TRAPPC9: variants seen among roughly 807,000 people sequenced by gnomAD.
The protein encoded by TRAPPC9 is trafficking protein particle complex subunit 9.
In TRAPPC9, 83 loss-of-function variants were observed where a neutral mutation model predicts 124.0. The observed-to-expected ratio is 0.67, with a 90% CI of 0.56 to 0.80. TRAPPC9 has a LOEUF of 0.80. Ranked by LOEUF, TRAPPC9 falls within the 30% of genes least tolerant of loss-of-function variation. The probability of loss-of-function intolerance (pLI) is 0.00; values close to 1 mark genes in which losing one functional copy is unlikely to be tolerated. For synonymous variants in TRAPPC9, 638 were observed against 617.5 expected (o/e 1.03, Z -0.49); for missense variants, 1,302 against 1,508.3 (o/e 0.86, Z 2.27).
At chr8:139,880,001 C>T (rs1829579034) in intron 21 of TRAPPC9, among the ~76,000 whole-genome samples, 1 of 152,186 alleles carries the variant, frequency 6.6e-6, no homozygotes, top group African/African-American at 2.4e-5. Context: ...CTGCTTGTTC[C>T]TCCACATCCC....
At chr8:139,929,647 C>CTTCTT (rs2131376441) in intron 19 of TRAPPC9, among the ~76,000 whole-genome samples, 1 of 152,350 alleles carries the variant, frequency 6.6e-6, no homozygotes, top group East Asian at 1.9e-4. Flanking sequence ...CATGGTCTTC[C>CTTCTT]AGAAGAATAC....
At position 139,963,286 on chromosome 8, in the gene TRAPPC9, A is replaced by G. The variant is rs79500682; in HGVS notation, c.2810+25440T>C. On this transcript the variant is annotated intron_variant, in intron 19 of 22. Transcript: ENST00000438773. ...CTAAATCATGGCTAACAGGCTAACAATGCTGCGTCTGCCTCCTTCTAAGCC... is the reference window on the plus strand; with the variant it reads ...CTAAATCATGGCTAACAGGCTAACAGTGCTGCGTCTGCCTCCTTCTAAGCC... Among the ~76,000 whole-genome samples the G allele has an allele frequency of 8.5e-3, 1,291 of 152,262 alleles. 26 individuals carry two copies. The highest frequency in any genetic ancestry group is 0.03 in the African/African-American group (1,246 of 41,536).
Position 140,221,563 on chromosome 8 carries a change from A to G in TRAPPC9, c.2452T>C (p.Phe818Leu). 6.2e-7 allele frequency: 1 copy of G among 1,614,116 alleles called. No homozygotes were observed. The highest frequency in any genetic ancestry group is 2.2e-5 in the East Asian group (1 of 44,878). The change falls in exon 17 of 23, where the codon TTT becomes CTT. Residue 818 changes from phenylalanine to leucine, a missense_variant. Phe to Leu is a conservative substitution (Grantham distance 22, BLOSUM62 0). Around this residue, in one of 3 missense-constraint regions of TRAPPC9, gnomAD observed 640 missense variants for 679.3 expected, o/e 0.94. Transcript: ENST00000438773. ...LSDDGISVSGFPLSSPFRQVV... is the reference protein window; with the variant it reads ...LSDDGISVSGLPLSSPFRQVV... Reference sequence around the variant, plus strand: ...TGCCGAAAAGGACTGGACAGGGGAAAGCCACTCACACTGATTCCATCTACA... The same window carrying G: ...TGCCGAAAAGGACTGGACAGGGGAAGGCCACTCACACTGATTCCATCTACA...
intron 17 of TRAPPC9, among the ~76,000 whole-genome samples, chr8:140,204,977 G>A (rs1424924172): frequency 6.6e-6 from 1 of 152,248 alleles, no homozygotes; most frequent in Non-Finnish European, 1.5e-5. Flanking sequence ...ATGCCAGAAG[G>A]TTACGCTGGA....
chr8:140,036,840 T>C (rs1447655590), intron 17 of TRAPPC9, among the ~76,000 whole-genome samples: 1 of 152,142 alleles, frequency 6.6e-6, no homozygotes, highest in Non-Finnish European at 1.5e-5. Context: ...ACATTATTGT[T>C]ATTTTTTTTA....
chr8:140,171,633 A>C (rs1428211731), intron 17 of TRAPPC9, among the ~76,000 whole-genome samples: 1 of 152,176 alleles, frequency 6.6e-6, no homozygotes, highest in Non-Finnish European at 1.5e-5. Context: ...GTCCTCTGCC[A>C]TGCAGCTTCT....
intron 17 of TRAPPC9, among the ~76,000 whole-genome samples, chr8:140,207,081 C>A (rs982163714): frequency 6.6e-6 from 1 of 152,322 alleles, no homozygotes; most frequent in African/African-American, 2.4e-5. Context: ...AGGAGCCGTG[C>A]GTCTCTTCAG....
At position 140,448,934 on chromosome 8, in the gene TRAPPC9, G is replaced by A. The variant is rs118075093; in HGVS notation, c.584+1856C>T. On this transcript the variant is annotated intron_variant, in intron 2 of 22. Transcript: ENST00000438773. ...CCACATCAGCCAGCACAGCAACCCCGTGTAGATCACAGGGCTGCCGTGAGG... is the reference window on the plus strand; with the variant it reads ...CCACATCAGCCAGCACAGCAACCCCATGTAGATCACAGGGCTGCCGTGAGG... 7.6e-3 allele frequency among the ~76,000 whole-genome samples: 1,156 copies of A among 151,990 alleles called. 13 individuals carry two copies. The highest frequency in any genetic ancestry group is 0.012 in the Non-Finnish European group (813 of 67,882).
chr8:140,300,205 A>G (rs986213854), intron 11 of TRAPPC9, among the ~76,000 whole-genome samples: 2 of 152,192 alleles, frequency 1.3e-5, no homozygotes, highest in African/African-American at 4.8e-5. Flanking sequence ...GCACACATCC[A>G]CACATGGACA....
At chr8:139,896,297 G>C (rs902675924) in intron 20 of TRAPPC9, among the ~76,000 whole-genome samples, 4 of 152,126 alleles carry the variant, frequency 2.6e-5, no homozygotes, top group Non-Finnish European at 5.9e-5. Context: ...GTGGACCCTG[G>C]CATTTGGAGC....
rs2068651423 is a variant in TRAPPC9, at chr8:140,382,933, C to T, written c.1135-11753G>A. On this transcript the variant is annotated intron_variant, in intron 7 of 22. Transcript: ENST00000438773. Reference sequence around the variant, plus strand: ...CCCCCCAGTAGGAACAGACTGACACCTCACATGGCCGGGTAGCCCTCTAAG... The same window carrying T: ...CCCCCCAGTAGGAACAGACTGACACTTCACATGGCCGGGTAGCCCTCTAAG... 2.0e-5 allele frequency among the ~76,000 whole-genome samples: 3 copies of T among 152,306 alleles called. No individual in the cohort carries two copies. The South Asian group carries it at 6.2e-4, about 32-fold the overall frequency.
chr8:140,277,813 C>T (rs1354318769), intron 14 of TRAPPC9, among the ~76,000 whole-genome samples: 3 of 152,222 alleles, frequency 2.0e-5, no homozygotes, highest in African/African-American at 7.2e-5. Context: ...GAGATGAGGA[C>T]CGGGAGCTTC....
chr8:140,370,524 C>A (rs117828592), intron 8 of TRAPPC9, among the ~76,000 whole-genome samples: 32 of 152,256 alleles, frequency 2.1e-4, no homozygotes, highest in Non-Finnish European at 3.8e-4. Context: ...AGATTGATAG[C>A]TTTATTTTTA....
intron 17 of TRAPPC9, among the ~76,000 whole-genome samples, chr8:140,203,296 GT>G (rs2062837257): frequency 6.6e-6 from 1 of 152,246 alleles, no homozygotes; most frequent in East Asian, 1.9e-4. Flanking sequence ...ATGATCCTGA[GT>G]GATATACACT....
intron 6 of TRAPPC9, among the ~76,000 whole-genome samples, chr8:140,403,860 G>T (rs748715446): frequency 9.9e-5 from 15 of 152,106 alleles, no homozygotes; most frequent in Middle Eastern, 3.4e-3. Flanking sequence ...GTTTCACCAT[G>T]TTGCCCGGGG....
chr8:139,917,700 C>T (rs1027916999), intron 19 of TRAPPC9, among the ~76,000 whole-genome samples: 4 of 152,190 alleles, frequency 2.6e-5, no homozygotes, highest in Admixed American at 2.6e-4. Flanking sequence ...TCTCCTGTTG[C>T]AGAAAATAAG....
intron 4 of TRAPPC9, among the ~76,000 whole-genome samples, chr8:140,434,501 G>A (rs2070745819): frequency 6.6e-6 from 1 of 152,076 alleles, no homozygotes; most frequent in Non-Finnish European, 1.5e-5. Flanking sequence ...ATTGACCTCT[G>A]GGACTAGCTT....
At chr8:140,151,725 T>G (rs1401471226) in intron 17 of TRAPPC9, among the ~76,000 whole-genome samples, 2 of 152,294 alleles carry the variant, frequency 1.3e-5, no homozygotes, top group South Asian at 2.1e-4. Context: ...CAACCCATAA[T>G]ACTCTTTCAG....
chr8:140,076,627 T>C (rs887569300), intron 17 of TRAPPC9, among the ~76,000 whole-genome samples: 1 of 152,134 alleles, frequency 6.6e-6, no homozygotes, highest in South Asian at 2.1e-4. Flanking sequence ...CAACACCCGA[T>C]TCCTAGGCCA....
Sources: gnomAD v4.1 joint callset for allele counts (sites outside exome capture counted in the v4.1 genomes callset) on GRCh38, gnomAD v4.1.1 for gene constraint, gnomAD v4.1.1 regional missense constraint, MANE v1.5 for transcripts, NCBI Gene and HGNC (gene_info 2026-07-23, HGNC 2026-07-21) for gene names.